NRG1: variants seen among roughly 807,000 people sequenced by gnomAD.
NRG1 encodes pro-neuregulin-1, membrane-bound isoform.
NRG1 carries 18 observed loss-of-function variants against 63.8 expected under a neutral mutation model. The observed-to-expected ratio is 0.28, with a 90% CI of 0.19 to 0.42. The LOEUF (loss-of-function observed/expected upper bound fraction) is 0.42, where lower values mean the gene tolerates loss of function less well. NRG1 is among the 10% of genes least tolerant of loss of function. The pLI, the probability that NRG1 is intolerant of heterozygous loss-of-function variation, is 1.00. For missense variants in NRG1, 762 were observed against 814.7 expected, an observed-to-expected ratio of 0.94 and a Z score of 0.79; for synonymous variants, 302 against 301.3, an observed-to-expected ratio of 1.00 and a Z score of -0.02.
At chr8:32,674,648 G>C (rs964020891) in intron 5 of NRG1, among the ~76,000 whole-genome samples, 1 of 152,184 alleles carries the variant, frequency 6.6e-6, no homozygotes, top group African/African-American at 2.4e-5. Context: ...TATCCGAACG[G>C]AATGCTGAAT....
intron 1 of NRG1, among the ~76,000 whole-genome samples, chr8:32,075,580 T>C (rs1166031586): frequency 2.6e-5 from 4 of 152,150 alleles, no homozygotes; most frequent in Non-Finnish European, 5.9e-5. Flanking sequence ...ATACCTAATA[T>C]AATGTGAATG....
rs114483441 is a variant in NRG1, at chr8:31,824,644, G to T, written c.37+185213G>T. On this transcript the variant is annotated intron_variant, in intron 1 of 10. Transcript: ENST00000519301. ...GAATCCCTTTGGATATTTTAAAAGA[G>T]GTGATTAAAGTAAATTTATGTTTCT... Among the ~76,000 whole-genome samples, 1,380 of 152,258 alleles carry T rather than the reference G, an allele frequency of 9.1e-3. 21 individuals are homozygous for T. The highest frequency in any genetic ancestry group is 0.031 in the African/African-American group (1,307 of 41,546).
chr8:32,749,592 C>G (rs751663386), intron 7 of NRG1: 4 of 1,613,224 alleles, frequency 2.5e-6, no homozygotes, highest in African/African-American at 1.3e-5. Context: ...TGGGTATGGA[C>G]CAATCATCAT....
chr8:31,660,556 A>C (rs1365540143), intron 1 of NRG1, among the ~76,000 whole-genome samples: 1 of 152,200 alleles, frequency 6.6e-6, no homozygotes, highest in East Asian at 1.9e-4. Context: ...GGAGAGTCTT[A>C]TTATTTGCCC....
At chr8:31,800,309 C>A in intron 1 of NRG1, among the ~76,000 whole-genome samples, 1 of 152,158 alleles carries the variant, frequency 6.6e-6, no homozygotes, top group Non-Finnish European at 1.5e-5. Flanking sequence ...GATGTGAGAA[C>A]GAAGAAGCAA....
chr8:31,857,864 A>G (rs1168054242), intron 1 of NRG1, among the ~76,000 whole-genome samples: 1 of 152,214 alleles, frequency 6.6e-6, no homozygotes, highest in Non-Finnish European at 1.5e-5. Flanking sequence ...TTGGCCCAGG[A>G]ACTAACGAAC....
intron 1 of NRG1, among the ~76,000 whole-genome samples, chr8:32,301,849 A>C (rs1004561623): frequency 6.6e-6 from 1 of 152,154 alleles, no homozygotes; most frequent in Non-Finnish European, 1.5e-5. Flanking sequence ...CTTCAACATG[A>C]GATTTGGGTG....
chr8:32,303,116 A>T (rs570143120), intron 1 of NRG1, among the ~76,000 whole-genome samples: 21 of 149,056 alleles, frequency 1.4e-4, no homozygotes, highest in Non-Finnish European at 2.5e-4. Flanking sequence ...CGGGAGGCAG[A>T]ACTTGCAGTG....
chr8:32,361,946 G>C (rs1484808574), intron 1 of NRG1, among the ~76,000 whole-genome samples: 1 of 152,056 alleles, frequency 6.6e-6, no homozygotes, highest in Non-Finnish European at 1.5e-5. Context: ...CTGTGCCCAA[G>C]TAGGGTCCTG....
At chr8:32,219,385 C>T (rs73677114) in intron 1 of NRG1, among the ~76,000 whole-genome samples, 2,088 of 152,310 alleles carry the variant, frequency 0.014, 48 homozygotes, top group African/African-American at 0.046. Context: ...AGAGGCTGCT[C>T]ATTAACAAAG....
intron 1 of NRG1, among the ~76,000 whole-genome samples, chr8:32,180,440 A>G (rs1378996085): frequency 2.0e-5 from 3 of 152,288 alleles, no homozygotes; most frequent in African/African-American, 7.2e-5. Context: ...TGTCAATTAA[A>G]TTGAAAAATA....
chr8:32,229,242 C>T (rs934867188), intron 1 of NRG1, among the ~76,000 whole-genome samples: 3 of 152,052 alleles, frequency 2.0e-5, no homozygotes, highest in Admixed American at 6.6e-5. Context: ...TGAAATGATG[C>T]GTGCCAAGAA....
chr8:31,869,204 A>G (rs1829266853), intron 1 of NRG1, among the ~76,000 whole-genome samples: 1 of 152,112 alleles, frequency 6.6e-6, no homozygotes, highest in Non-Finnish European at 1.5e-5. Context: ...TGGTACTCTA[A>G]TCTCTTCCTA....
upstream of NRG1, among the ~76,000 whole-genome samples, chr8:32,547,590 A>ACAC (rs1833208040): frequency 6.7e-5 from 10 of 148,384 alleles, no homozygotes; most frequent in African/African-American, 2.5e-4. Context: ...GCACTTACTA[A>ACAC]ACACACACAC....
intron 1 of NRG1, among the ~76,000 whole-genome samples, chr8:32,288,463 A>T (rs1853807258): frequency 6.6e-6 from 1 of 152,234 alleles, no homozygotes; most frequent in African/African-American, 2.4e-5. Context: ...TTAAAAGCCC[A>T]TTCCACTTAC....
chr8:32,528,071 T>G (rs1204207324), intron 1 of NRG1, among the ~76,000 whole-genome samples: 1 of 152,208 alleles, frequency 6.6e-6, no homozygotes, highest in Non-Finnish European at 1.5e-5. Flanking sequence ...GTAATTCTTA[T>G]CCTTCTGATT....
At chr8:32,743,615 C>A (rs1288611663) in intron 7 of NRG1, among the ~76,000 whole-genome samples, 2 of 84,372 alleles carry the variant, frequency 2.4e-5, no homozygotes, top group Non-Finnish European at 4.5e-5. Context: ...TAACTTAAGG[C>A]AAAACTGGGA....
chr8:31,805,715 C>G (rs760150382), intron 1 of NRG1, among the ~76,000 whole-genome samples: 1 of 151,310 alleles, frequency 6.6e-6, no homozygotes, highest in Non-Finnish European at 1.5e-5. Flanking sequence ...GTAGTCCCAG[C>G]CACTCGGGAG....
intron 1 of NRG1, among the ~76,000 whole-genome samples, chr8:32,235,698 A>G (rs1847473599): frequency 6.7e-6 from 1 of 148,884 alleles, no homozygotes; most frequent in Non-Finnish European, 1.5e-5. Flanking sequence ...GCAAACTGGA[A>G]TAGTTGGTCA....
Sources: gnomAD v4.1 joint callset for allele counts (sites outside exome capture counted in the v4.1 genomes callset) on GRCh38, gnomAD v4.1.1 for gene constraint, MANE v1.5 for transcripts, NCBI Gene and HGNC (gene_info 2026-07-23, HGNC 2026-07-21) for gene names.